NKAIN3: variants seen among roughly 807,000 people sequenced by gnomAD.
NKAIN3 encodes the protein sodium/potassium transporting ATPase interacting 3, also known as sodium/potassium-transporting ATPase subunit beta-1-interacting protein 3.
In NKAIN3, 25 loss-of-function variants were observed where a neutral mutation model predicts 30.2. The observed-to-expected ratio is 0.83, with a 90% CI of 0.60 to 1.16. The LOEUF (loss-of-function observed/expected upper bound fraction) is 1.16. Ranked by LOEUF, NKAIN3 falls within the 50% of genes most tolerant of loss-of-function variation. The pLI is 0.00. For missense variants in NKAIN3, 225 were observed against 254.1 expected (o/e 0.89, Z 0.78); for synonymous variants, 91 against 89.6 (o/e 1.02, Z -0.09).
intron 3 of NKAIN3, among the ~76,000 whole-genome samples, chr8:62,712,058 G>A (rs985824505): frequency 5.3e-5 from 8 of 152,170 alleles, no homozygotes; most frequent in Non-Finnish European, 1.5e-5. Context: ...GCTGGTACTG[G>A]GGGTTGTCTG....
chr8:62,984,675 A>T lies in NKAIN3; in HGVS notation c.*19268A>T, dbSNP rs972671176. 1.3e-5 allele frequency: 2 copies of T among 152,212 alleles called. No individual in the cohort carries two copies. Among genetic ancestry groups the T allele is most frequent in the Non-Finnish European group, 2.9e-5 (2 of 68,034 alleles). The allele number at this position is 152,212 out of a possible 1,614,324, so 9.4% of individuals were successfully genotyped here. ...TGAAAAAATAAATGTCTTTTTTCTTATACAAACTGATAACAAGACTTGCTT... is the reference window on the plus strand; with the variant it reads ...TGAAAAAATAAATGTCTTTTTTCTTTTACAAACTGATAACAAGACTTGCTT... On this transcript the variant is annotated 3_prime_UTR_variant, in exon 7 of 7. Transcript: ENST00000623646.
chr8:62,431,718 A>T (rs1474113529), intron 1 of NKAIN3, among the ~76,000 whole-genome samples: 1 of 151,812 alleles, frequency 6.6e-6, no homozygotes, highest in Non-Finnish European at 1.5e-5. Flanking sequence ...AAATGTTTTT[A>T]GGTAACCTGA....
intron 1 of NKAIN3, among the ~76,000 whole-genome samples, chr8:62,558,637 G>T (rs888868250): frequency 6.6e-6 from 1 of 151,906 alleles, no homozygotes; most frequent in African/African-American, 2.4e-5. Context: ...ATTACTGGTG[G>T]TATCCTTTTG....
At chr8:62,763,992 G>A (rs769022431) in intron 4 of NKAIN3, among the ~76,000 whole-genome samples, 2 of 152,188 alleles carry the variant, frequency 1.3e-5, no homozygotes, top group Non-Finnish European at 2.9e-5. Context: ...TCTCTGGTTG[G>A]GGAGGTTATA....
intron 3 of NKAIN3, among the ~76,000 whole-genome samples, chr8:62,677,466 T>C (rs915807386): frequency 1.3e-5 from 2 of 152,288 alleles, no homozygotes; most frequent in African/African-American, 2.4e-5. Context: ...AAGGACCCCA[T>C]TGAGAGCTAT....
At chr8:62,636,478 C>T (rs533884892) in intron 3 of NKAIN3, among the ~76,000 whole-genome samples, 78 of 152,266 alleles carry the variant, frequency 5.1e-4, no homozygotes, top group African/African-American at 1.9e-3. Flanking sequence ...TAATGTTTCT[C>T]CTTGTACTTT....
In NKAIN3 at chr8:62,345,374, CAT is replaced by C. The variant is rs796415169; in HGVS notation, c.54+96252_54+96253del. On this transcript the variant is annotated intron_variant, in intron 1 of 6. Coordinates refer to ENST00000623646, the MANE Select transcript of NKAIN3 (RefSeq NM_001304533.3). ...ATATACACATATATGTATATATACA[CAT>C]ATATGTATATATACACACATATACA... Among the ~76,000 whole-genome samples, 43 of 20,368 alleles carry C rather than the reference CAT, an allele frequency of 2.1e-3. 1 individual carries two copies. The South Asian group carries it at 0.043, about 20-fold the overall frequency. 13.4% of individuals were successfully genotyped at this position (20,368 alleles called of 152,430 possible).
intron 1 of NKAIN3, among the ~76,000 whole-genome samples, chr8:62,399,017 GA>G (rs35993762): frequency 1.5e-4 from 23 of 152,160 alleles, no homozygotes; most frequent in African/African-American, 5.3e-4. Flanking sequence ...CTTGAACCCG[GA>G]AGGCAGAGGT....
At chr8:62,606,779 G>C (rs1261814466) in intron 3 of NKAIN3, among the ~76,000 whole-genome samples, 2 of 152,106 alleles carry the variant, frequency 1.3e-5, no homozygotes, top group Non-Finnish European at 2.9e-5. Context: ...GAAATATTAA[G>C]GGCATCAAGT....
At chr8:62,545,261 A>T (rs1201038603) in intron 1 of NKAIN3, among the ~76,000 whole-genome samples, 1 of 152,138 alleles carries the variant, frequency 6.6e-6, no homozygotes, top group Non-Finnish European at 1.5e-5. Context: ...CTATTCCACA[A>T]CTTGCCTTTT....
At chr8:62,564,289 C>T (rs1809678709) in intron 1 of NKAIN3, among the ~76,000 whole-genome samples, 1 of 152,160 alleles carries the variant, frequency 6.6e-6, no homozygotes, top group South Asian at 2.1e-4. Flanking sequence ...TCCATGCCAT[C>T]TCCACCTGCT....
chr8:62,918,584 AGGGC>A, intron 5 of NKAIN3, 71 bp downstream of exon 5: 2 of 971,798 alleles, frequency 2.1e-6, no homozygotes, highest in Non-Finnish European at 3.2e-6. Flanking sequence ...TAATCATTAC[AGGGC>A]TATGAAATGA....
intron 3 of NKAIN3, among the ~76,000 whole-genome samples, chr8:62,599,398 C>T (rs1315243344): frequency 6.6e-6 from 1 of 152,030 alleles, no homozygotes; most frequent in Non-Finnish European, 1.5e-5. Flanking sequence ...CCTCAATTTC[C>T]TGTTCTGCAA....
intron 4 of NKAIN3, among the ~76,000 whole-genome samples, chr8:62,870,888 C>T (rs1162387391): frequency 7.5e-5 from 3 of 40,060 alleles, no homozygotes; most frequent in Non-Finnish European, 1.6e-4. Flanking sequence ...TAAATGAAGC[C>T]GTCTTACTGT....
Position 62,976,090 on chromosome 8 carries a change from G to GT in NKAIN3, c.*10687dup, listed in dbSNP as rs1823934899. On this transcript the variant is annotated 3_prime_UTR_variant, in exon 7 of 7. Transcript: ENST00000623646. ...CATTCTTTTGCATTTGCTGATGAGT[G>GT]TTTTACTTCCAGTTATGTGGTCGAT... Among the ~76,000 whole-genome samples, 1 of 152,128 alleles carries GT rather than the reference G, an allele frequency of 6.6e-6. No homozygotes were observed. Among genetic ancestry groups the GT allele is most frequent in the South Asian group, 2.1e-4 (1 of 4,828 alleles).
intron 1 of NKAIN3, among the ~76,000 whole-genome samples, chr8:62,352,364 T>C (rs1816206678): frequency 6.6e-6 from 1 of 152,204 alleles, no homozygotes; most frequent in South Asian, 2.1e-4. Context: ...TGACACACCT[T>C]TCTCTCTTAG....
intron 4 of NKAIN3, among the ~76,000 whole-genome samples, chr8:62,916,007 T>A (rs1336564635): frequency 1.3e-5 from 2 of 152,204 alleles, no homozygotes; most frequent in African/African-American, 4.8e-5. Context: ...TGCCATTTTG[T>A]TTATTTTCTT....
chr8:62,814,940 G>T (rs1272523941), intron 4 of NKAIN3, among the ~76,000 whole-genome samples: 1 of 152,058 alleles, frequency 6.6e-6, no homozygotes, highest in Admixed American at 6.5e-5. Context: ...ATGAATCCAG[G>T]AGCTGGTTTT....
chr8:62,345,536 C>T (rs377473288), intron 1 of NKAIN3, among the ~76,000 whole-genome samples: 71 of 130,196 alleles, frequency 5.5e-4, no homozygotes, highest in Middle Eastern at 4.2e-3. Flanking sequence ...TATATACACA[C>T]ATATATACAC....
Sources: allele counts gnomAD v4.1 joint callset (sites outside exome capture counted in the v4.1 genomes callset), GRCh38; gene constraint gnomAD v4.1.1; transcripts MANE v1.5; gene names NCBI Gene and HGNC (gene_info 2026-07-23, HGNC 2026-07-21).